Variants in CPPED1 observed in about 807,000 individuals in gnomAD.
CPPED1 encodes calcineurin like phosphoesterase domain containing 1.
Under a neutral mutation model 28.0 loss-of-function variants are expected in CPPED1, and 28 were observed. The observed-to-expected ratio is 1.00, with a 90% CI of 0.74 to 1.37. The LOEUF is 1.37. Among genes scored for constraint, CPPED1 ranks in the 40% most tolerant of loss-of-function variants. The probability of loss-of-function intolerance (pLI) is 0.00; values close to 1 mark genes in which losing one functional copy is unlikely to be tolerated. For missense variants in CPPED1, 504 were observed against 416.5 expected (o/e 1.21, Z -1.83); for synonymous variants, 198 against 180.2 (o/e 1.10, Z -0.79).
At chr16:12,746,729 T>A (rs1226085293) in intron 2 of CPPED1, among the ~76,000 whole-genome samples, 1 of 152,204 alleles carries the variant, frequency 6.6e-6, no homozygotes, top group Non-Finnish European at 1.5e-5. Flanking sequence ...AAGTAAAATA[T>A]GTGACACCCA....
intron 2 of CPPED1, chr16:12,780,963 A>C (rs2080526790): frequency 1.8e-6 from 1 of 567,256 alleles, no homozygotes; most frequent in African/African-American, 1.9e-5. Context: ...AATCATCAGA[A>C]CTGTAGCTGT....
intron 2 of CPPED1, among the ~76,000 whole-genome samples, chr16:12,743,364 C>T (rs1397209708): frequency 2.0e-4 from 30 of 152,154 alleles, no homozygotes; most frequent in Admixed American, 2.0e-3. Flanking sequence ...ATATAAAACA[C>T]CTTTTCAGCT....
At chr16:12,760,215 G>T (rs947174519) in intron 2 of CPPED1, among the ~76,000 whole-genome samples, 5 of 152,196 alleles carry the variant, frequency 3.3e-5, no homozygotes, top group African/African-American at 1.2e-4. Context: ...AGAGTATACA[G>T]GAGAGTGTGC....
intron 3 of CPPED1, among the ~76,000 whole-genome samples, chr16:12,677,842 T>C (rs1469318867): frequency 6.6e-6 from 1 of 152,198 alleles, no homozygotes; most frequent in Non-Finnish European, 1.5e-5. Context: ...TTGACCTGGG[T>C]CAGCAAACAT....
intron 3 of CPPED1, among the ~76,000 whole-genome samples, chr16:12,699,039 A>G (rs1301791771): frequency 6.6e-6 from 1 of 152,212 alleles, no homozygotes; most frequent in East Asian, 1.9e-4. Flanking sequence ...ATTGGAATCA[A>G]TATTAAATGG....
chr16:12,776,716 C>T (rs1054554641), intron 2 of CPPED1, among the ~76,000 whole-genome samples: 14 of 152,212 alleles, frequency 9.2e-5, no homozygotes, highest in African/African-American at 2.6e-4. Flanking sequence ...GTCAGGAGAT[C>T]GAGACCAGCC....
chr16:12,704,543 C>T (rs1400026586), intron 3 of CPPED1, 81 bp downstream of exon 3: 12 of 1,417,444 alleles, frequency 8.5e-6, no homozygotes, highest in Admixed American at 4.0e-5. Context: ...TGACACATTG[C>T]AGAGAGACGG....
At chr16:12,782,631 G>A (rs1420984210) in intron 1 of CPPED1, among the ~76,000 whole-genome samples, 1 of 150,482 alleles carries the variant, frequency 6.6e-6, no homozygotes, top group Admixed American at 6.6e-5. Context: ...AGGCCAACAT[G>A]GACGAATCAC....
At chr16:12,736,528 C>G (rs371193856) in intron 2 of CPPED1, among the ~76,000 whole-genome samples, 1 of 152,058 alleles carries the variant, frequency 6.6e-6, no homozygotes, top group Non-Finnish European at 1.5e-5. Flanking sequence ...TGTGAGCCAC[C>G]GCACCTGGCC....
At position 12,758,764 on chromosome 16, in the gene CPPED1, C is replaced by A. The variant is rs142564001; in HGVS notation, c.289+22421G>T. On this transcript the variant is annotated intron_variant, in intron 2 of 3. Transcript: ENST00000381774. ...TACAAGTAGAAGGAATTGCCACAAACTGGTACTTCTGGAGCAGTGTTCAGG... is the reference window on the plus strand; with the variant it reads ...TACAAGTAGAAGGAATTGCCACAAAATGGTACTTCTGGAGCAGTGTTCAGG... 2.8e-3 allele frequency among the ~76,000 whole-genome samples: 431 copies of A among 152,206 alleles called. 3 individuals are homozygous for A. Among genetic ancestry groups the A allele is most frequent in the Non-Finnish European group, 3.8e-3 (256 of 68,026 alleles).
intron 2 of CPPED1, among the ~76,000 whole-genome samples, chr16:12,731,724 C>CT (rs921139794): frequency 3.1e-4 from 45 of 144,954 alleles, no homozygotes; most frequent in South Asian, 1.1e-3. Context: ...CTTTTTCATT[C>CT]TTTTTTTTTT....
intron 2 of CPPED1, among the ~76,000 whole-genome samples, chr16:12,755,147 G>A (rs1231315832): frequency 6.6e-6 from 1 of 152,080 alleles, no homozygotes; most frequent in African/African-American, 2.4e-5. Context: ...CAAAAATGGG[G>A]TCAAATCATC....
At chr16:12,761,334 G>C (rs1049878369) in intron 2 of CPPED1, among the ~76,000 whole-genome samples, 1 of 151,260 alleles carries the variant, frequency 6.6e-6, no homozygotes, top group Non-Finnish European at 1.5e-5. Flanking sequence ...AAGAGGAGAA[G>C]TTCTGAGTTT....
At position 12,762,484 on chromosome 16, in the gene CPPED1, G is replaced by C. The variant is rs539035910; in HGVS notation, c.289+18701C>G. 2.8e-4 allele frequency among the ~76,000 whole-genome samples: 43 copies of C among 152,308 alleles called. No homozygotes were observed. The South Asian group carries it at 8.7e-3, about 31-fold the overall frequency. On this transcript the variant is annotated intron_variant, in intron 2 of 3. Transcript: ENST00000381774. ...TAATAAAAAGTAGTAGCAGTAGATAGATAAAATGTGGTATATCCATATGGT... is the reference window on the plus strand; with the variant it reads ...TAATAAAAAGTAGTAGCAGTAGATACATAAAATGTGGTATATCCATATGGT...
intron 1 of CPPED1, among the ~76,000 whole-genome samples, chr16:12,793,217 C>T (rs2080606943): frequency 6.6e-6 from 1 of 152,204 alleles, no homozygotes; most frequent in Admixed American, 6.5e-5. Flanking sequence ...AAGTTAGTTA[C>T]ACAAGTCAAT....
At chr16:12,743,317 A>T (rs1420024455) in intron 2 of CPPED1, among the ~76,000 whole-genome samples, 5 of 152,206 alleles carry the variant, frequency 3.3e-5, no homozygotes. Flanking sequence ...TGTGATCCTT[A>T]TCCCCACCAC....
chr16:12,665,128 GAAAAA>G lies in CPPED1; in HGVS notation c.716-18_716-14del. Reference sequence around the variant, plus strand: ...ACGACTTTGACACCTGCAGAGAAGGGAAAAAGTCATTAGGGGGCCGAGGACTTCCA... The same window carrying G: ...ACGACTTTGACACCTGCAGAGAAGGGGTCATTAGGGGGCCGAGGACTTCCA... On this transcript the variant is annotated splice_polypyrimidine_tract_variant and intron_variant, in intron 3 of 3. Coordinates refer to ENST00000381774, the MANE Select transcript of CPPED1 (RefSeq NM_018340.3). 1 of 1,586,628 alleles carries G rather than the reference GAAAAA, an allele frequency of 6.3e-7. No homozygotes were observed. Among genetic ancestry groups the G allele is most frequent in the Non-Finnish European group, 8.5e-7 (1 of 1,171,928 alleles).
At chr16:12,778,530 C>T (rs1567304296) in intron 2 of CPPED1, among the ~76,000 whole-genome samples, 1 of 152,288 alleles carries the variant, frequency 6.6e-6, no homozygotes, top group South Asian at 2.1e-4. Context: ...CCCACCTTGG[C>T]GTCCCAAAGT....
chr16:12,719,202 T>C (rs902531382), intron 2 of CPPED1, among the ~76,000 whole-genome samples: 4 of 152,018 alleles, frequency 2.6e-5, no homozygotes, highest in Non-Finnish European at 5.9e-5. Flanking sequence ...CCATCCTGGC[T>C]AACACGGTGA....
Sources: gnomAD v4.1 joint callset for allele counts (sites outside exome capture counted in the v4.1 genomes callset) on GRCh38, gnomAD v4.1.1 for gene constraint, MANE v1.5 for transcripts, NCBI Gene and HGNC (gene_info 2026-07-23, HGNC 2026-07-21) for gene names.